Variants in HMGCLL1 observed in about 807,000 individuals in gnomAD.
HMGCLL1 encodes the protein 3-hydroxy-3-methylglutaryl-CoA lyase like 1.
Under a neutral mutation model 39.1 loss-of-function variants are expected in HMGCLL1, and 36 were observed. The observed-to-expected ratio is 0.92, with a 90% confidence interval of 0.71 to 1.22. The LOEUF is 1.22. Ranked by LOEUF, HMGCLL1 falls within the 50% of genes most tolerant of loss-of-function variation. HMGCLL1 has a pLI of 0.00. For synonymous variants in HMGCLL1, 149 were observed against 144.0 expected (o/e 1.03, Z -0.25); for missense variants, 451 against 416.5 (o/e 1.08, Z -0.72).
intron 1 of HMGCLL1, among the ~76,000 whole-genome samples, chr6:55,565,915 A>T (rs571405316): frequency 6.0e-5 from 9 of 149,490 alleles, no homozygotes; most frequent in Non-Finnish European, 1.2e-4. Flanking sequence ...AATTACTCTC[A>T]GCTTTAACAT....
chr6:55,559,330 C>A (rs995234069), intron 1 of HMGCLL1, among the ~76,000 whole-genome samples: 2 of 152,130 alleles, frequency 1.3e-5, no homozygotes, highest in South Asian at 2.1e-4. Flanking sequence ...AAAAGAGGAG[C>A]CTTCCTAGAG....
At chr6:55,550,624 A>T (rs1222131849) in intron 1 of HMGCLL1, among the ~76,000 whole-genome samples, 1 of 151,890 alleles carries the variant, frequency 6.6e-6, no homozygotes, top group Non-Finnish European at 1.5e-5. Context: ...GGTCTCCAAA[A>T]TGGGATTTGG....
the HMGCLL1 span, among the ~76,000 whole-genome samples, chr6:55,673,356 C>A: frequency 6.6e-6 from 1 of 151,832 alleles, no homozygotes; most frequent in Non-Finnish European, 1.5e-5. Context: ...TGAGCCTGTA[C>A]TATGTATTTT....
At chr6:55,451,740 T>TG (rs966461684) in intron 7 of HMGCLL1, among the ~76,000 whole-genome samples, 16 of 152,038 alleles carry the variant, frequency 1.1e-4, no homozygotes, top group Admixed American at 9.2e-4. Context: ...CCTAATGTTG[T>TG]GAAAATACAA....
intron 3 of HMGCLL1, among the ~76,000 whole-genome samples, chr6:55,537,445 T>A (rs181108547): frequency 1.3e-5 from 2 of 152,308 alleles, no homozygotes; most frequent in East Asian, 3.9e-4. Context: ...CAACTTGAGC[T>A]CAACTCAATA....
chr6:55,471,210 C>G (rs900891537), intron 7 of HMGCLL1, among the ~76,000 whole-genome samples: 3 of 151,684 alleles, frequency 2.0e-5, no homozygotes, highest in African/African-American at 7.3e-5. Flanking sequence ...CTTTATCCAC[C>G]CATTACTGGG....
In HMGCLL1 at chr6:55,435,008, C is replaced by T. The variant is rs1315033764; in HGVS notation, c.*654G>A. On this transcript the variant is annotated 3_prime_UTR_variant, in exon 9 of 9. Coordinates refer to ENST00000274901, the MANE Select transcript of HMGCLL1 (RefSeq NM_001042406.2). ...CAGGTAAAGTGTGGTAAACTGGATG[C>T]ATGTAACAAACATGGGAGGTCGTAA... 6.6e-6 allele frequency: 1 copy of T among 152,466 alleles called. No individual in the cohort carries two copies. The highest frequency in any genetic ancestry group is 1.5e-5 in the Non-Finnish European group (1 of 68,000). 9.4% of individuals were successfully genotyped at this position (152,466 alleles called of 1,614,324 possible).
At chr6:55,534,288 A>T (rs1310720618) in intron 3 of HMGCLL1, among the ~76,000 whole-genome samples, 2 of 152,090 alleles carry the variant, frequency 1.3e-5, no homozygotes, top group African/African-American at 2.4e-5. Flanking sequence ...TTATAAAAAG[A>T]CCTCAGTGGT....
intron 1 of HMGCLL1, among the ~76,000 whole-genome samples, chr6:55,555,179 T>G (rs556363090): frequency 3.5e-4 from 53 of 152,314 alleles, no homozygotes; most frequent in Middle Eastern, 3.4e-3. Context: ...ATCCTTTGCC[T>G]CTGTTGAAGC....
At chr6:55,537,900 C>T (rs533146229) in intron 3 of HMGCLL1, among the ~76,000 whole-genome samples, 2 of 152,276 alleles carry the variant, frequency 1.3e-5, no homozygotes, top group East Asian at 3.9e-4. Context: ...AACTTGGGAA[C>T]AAACCTAGAA....
chr6:55,462,681 T>C (rs1368209453), intron 7 of HMGCLL1, among the ~76,000 whole-genome samples: 1 of 152,210 alleles, frequency 6.6e-6, no homozygotes, highest in East Asian at 1.9e-4. Flanking sequence ...TACCTGTGCT[T>C]AGGTAAGCTG....
In HMGCLL1 at chr6:55,499,343, AGCC is replaced by A. The variant is rs746548228; in HGVS notation, c.543-47_543-45del. On this transcript the variant is annotated intron_variant, in intron 5 of 8. Transcript: ENST00000274901. Reference sequence around the variant, plus strand: ...CTTATAAATATGCATATGGTAAATAAGCCATTTCCATTTTATAAAAATTAAGAA... The same window carrying A: ...CTTATAAATATGCATATGGTAAATAAATTTCCATTTTATAAAAATTAAGAA... 70 of 1,366,160 alleles carry A rather than the reference AGCC, an allele frequency of 5.1e-5. No individual in the cohort carries two copies. In the East Asian group the frequency reaches 1.6e-3, roughly 32 times the overall value. 84.6% of individuals were successfully genotyped at this position (1,366,160 alleles called of 1,614,324 possible). A position where few individuals can be genotyped will look rare whatever the true frequency, so the allele number is the denominator to read the frequency against.
chr6:55,629,183 G>A, the HMGCLL1 span, among the ~76,000 whole-genome samples: 3 of 152,142 alleles, frequency 2.0e-5, no homozygotes, highest in African/African-American at 4.8e-5. Flanking sequence ...TGCTGATAGC[G>A]ATATGGACAG....
intron 1 of HMGCLL1, among the ~76,000 whole-genome samples, chr6:55,557,504 G>A (rs1344260759): frequency 3.3e-5 from 5 of 151,984 alleles, no homozygotes; most frequent in Non-Finnish European, 7.4e-5. Context: ...TCCCAGCCCC[G>A]ATTCTAATTA....
chr6:55,545,586 G>A (rs1769918548), intron 1 of HMGCLL1, among the ~76,000 whole-genome samples: 1 of 152,086 alleles, frequency 6.6e-6, no homozygotes, highest in Non-Finnish European at 1.5e-5. Flanking sequence ...GCTGATATAT[G>A]CCAACTTAGA....
At chr6:55,493,417 C>T (rs574207170) in intron 7 of HMGCLL1, among the ~76,000 whole-genome samples, 4 of 152,084 alleles carry the variant, frequency 2.6e-5, no homozygotes, top group Non-Finnish European at 5.9e-5. Flanking sequence ...TATCTTGCTT[C>T]GGCCCAACGT....
chr6:55,493,687 C>A (rs572237468), intron 7 of HMGCLL1, among the ~76,000 whole-genome samples: 2 of 151,954 alleles, frequency 1.3e-5, no homozygotes, highest in Non-Finnish European at 2.9e-5. Flanking sequence ...AACACATACA[C>A]ACCATTTTAG....
chr6:55,666,976 T>C, the HMGCLL1 span, among the ~76,000 whole-genome samples: 1 of 151,638 alleles, frequency 6.6e-6, no homozygotes, highest in East Asian at 2.0e-4. Context: ...CATCATGTTC[T>C]TAAACAGACT....
At chr6:55,485,704 A>G (rs1554144601) in intron 7 of HMGCLL1, among the ~76,000 whole-genome samples, 1 of 152,056 alleles carries the variant, frequency 6.6e-6, no homozygotes, top group Non-Finnish European at 1.5e-5. Flanking sequence ...AGAACTGTTC[A>G]GCCCCACGAA....
Sources: allele counts gnomAD v4.1 joint callset (sites outside exome capture counted in the v4.1 genomes callset), GRCh38; gene constraint gnomAD v4.1.1; transcripts MANE v1.5; gene names NCBI Gene and HGNC (gene_info 2026-07-23, HGNC 2026-07-21).